PLCXD3: variants seen among roughly 807,000 people sequenced by gnomAD.
The protein encoded by PLCXD3 is PI-PLC X domain-containing protein 3.
In PLCXD3, 19 loss-of-function variants were observed where a neutral mutation model predicts 25.5. The ratio of observed to expected loss-of-function variants is 0.75; its 90% CI spans 0.52 to 1.09. The LOEUF (loss-of-function observed/expected upper bound fraction) is 1.09, where lower values mean the gene tolerates loss of function less well. PLCXD3 is among the 50% of genes least tolerant of loss of function. PLCXD3 has a pLI of 0.00. For missense variants in PLCXD3, 411 were observed against 388.1 expected (o/e 1.06, Z -0.50); for synonymous variants, 174 against 137.6 (o/e 1.26, Z -1.85).
intron 2 of PLCXD3, among the ~76,000 whole-genome samples, chr5:41,315,218 A>G (rs1318305348): frequency 6.6e-6 from 1 of 152,194 alleles, no homozygotes; most frequent in Non-Finnish European, 1.5e-5. Context: ...AGTTTCCATG[A>G]CAAAAGGATA....
intron 2 of PLCXD3, among the ~76,000 whole-genome samples, chr5:41,355,761 G>A (rs1397255435): frequency 1.3e-5 from 2 of 152,172 alleles, no homozygotes; most frequent in South Asian, 4.1e-4. Context: ...TAACATACTT[G>A]TGATTCCATG....
intron 2 of PLCXD3, among the ~76,000 whole-genome samples, chr5:41,330,797 A>G (rs1743778439): frequency 6.6e-6 from 1 of 152,186 alleles, no homozygotes; most frequent in African/African-American, 2.4e-5. Context: ...CAATATATGC[A>G]AATCAATAAA....
chr5:41,439,909 T>C (rs1024387691), intron 1 of PLCXD3, among the ~76,000 whole-genome samples: 2 of 152,164 alleles, frequency 1.3e-5, no homozygotes, highest in Non-Finnish European at 2.9e-5. Flanking sequence ...CTCAGGCTAA[T>C]TGGGCAGGTG....
chr5:41,446,402 G>A (rs1445500972), intron 1 of PLCXD3, among the ~76,000 whole-genome samples: 1 of 151,996 alleles, frequency 6.6e-6, no homozygotes, highest in Non-Finnish European at 1.5e-5. Context: ...AATCCAGCTG[G>A]CTGTTCATTC....
At chr5:41,461,305 A>G (rs1747868626) in intron 1 of PLCXD3, among the ~76,000 whole-genome samples, 1 of 151,996 alleles carries the variant, frequency 6.6e-6, no homozygotes, top group South Asian at 2.1e-4. Context: ...CATGACTGAA[A>G]CATTTTTTCT....
intron 1 of PLCXD3, among the ~76,000 whole-genome samples, chr5:41,487,053 A>G (rs1049395609): frequency 6.6e-6 from 1 of 152,122 alleles, no homozygotes; most frequent in African/African-American, 2.4e-5. Context: ...TTTTTTCTGA[A>G]GGCACGGTCC....
At chr5:41,417,243 A>G (rs1230737142) in intron 1 of PLCXD3, among the ~76,000 whole-genome samples, 1 of 152,142 alleles carries the variant, frequency 6.6e-6, no homozygotes, top group Non-Finnish European at 1.5e-5. Context: ...TCCACCCCTC[A>G]CTTTGGCTAC....
chr5:41,391,356 C>T (rs1200975287), intron 1 of PLCXD3, among the ~76,000 whole-genome samples: 1 of 152,134 alleles, frequency 6.6e-6, no homozygotes, highest in Non-Finnish European at 1.5e-5. Flanking sequence ...TGTCTTTCAT[C>T]TTGGATACCA....
chr5:41,376,245 G>C (rs1265493929), intron 2 of PLCXD3, among the ~76,000 whole-genome samples: 1 of 152,092 alleles, frequency 6.6e-6, no homozygotes, highest in African/African-American at 2.4e-5. Flanking sequence ...CAAGGGGGCA[G>C]CACTGTCAGT....
At chr5:41,333,124 AAAAC>A (rs528236304) in intron 2 of PLCXD3, among the ~76,000 whole-genome samples, 4,602 of 151,790 alleles carry the variant, frequency 0.03, 119 homozygotes, top group Middle Eastern at 0.065. Flanking sequence ...ATAAAAGACA[AAAAC>A]AAACAAACAA....
intron 1 of PLCXD3, among the ~76,000 whole-genome samples, chr5:41,399,091 T>C (rs970753972): frequency 2.6e-5 from 4 of 152,072 alleles, no homozygotes; most frequent in African/African-American, 9.7e-5. Flanking sequence ...AGTAATCCCA[T>C]TTACAATAGC....
intron 2 of PLCXD3, among the ~76,000 whole-genome samples, chr5:41,374,118 A>G (rs1484800245): frequency 3.3e-5 from 5 of 152,084 alleles, no homozygotes; most frequent in African/African-American, 1.2e-4. Context: ...TATGTTCTTT[A>G]GGTTAACTAA....
At chr5:41,463,494 A>G (rs1228505182) in intron 1 of PLCXD3, among the ~76,000 whole-genome samples, 2 of 152,042 alleles carry the variant, frequency 1.3e-5, no homozygotes, top group Non-Finnish European at 2.9e-5. Flanking sequence ...TTGGGATTTC[A>G]ACATATAAAT....
chr5:41,385,809 T>C (rs2150494149), intron 1 of PLCXD3, among the ~76,000 whole-genome samples: 1 of 152,148 alleles, frequency 6.6e-6, no homozygotes, highest in South Asian at 2.1e-4. Context: ...GACACAGAGG[T>C]TGTAGTGGCC....
chr5:41,314,313 T>G (rs1431886408), intron 2 of PLCXD3, among the ~76,000 whole-genome samples: 1 of 152,192 alleles, frequency 6.6e-6, no homozygotes, highest in African/African-American at 2.4e-5. Context: ...TCAAACACAT[T>G]TACTGGGCAC....
chr5:41,316,364 G>A lies in PLCXD3; in HGVS notation c.813-2594C>T, dbSNP rs75481887. ...CCAGATAACCAGCAGAGATATCCAG[G>A]TACTACATCTTGGGTCTTGGGTGAA... On this transcript the variant is annotated intron_variant, in intron 2 of 2. Coordinates refer to ENST00000377801, the MANE Select transcript of PLCXD3 (RefSeq NM_001005473.3). 7.4e-3 allele frequency among the ~76,000 whole-genome samples: 1,122 copies of A among 152,306 alleles called. 6 individuals are homozygous for A. The highest frequency in any genetic ancestry group is 0.026 in the African/African-American group (1,062 of 41,560).
chr5:41,477,106 T>A (rs1258499111), intron 1 of PLCXD3, among the ~76,000 whole-genome samples: 2 of 152,144 alleles, frequency 1.3e-5, no homozygotes, highest in East Asian at 3.9e-4. Flanking sequence ...TCTCCTAAAA[T>A]CTGGAGCCCA....
At chr5:41,332,536 T>C (rs320606) in intron 2 of PLCXD3, among the ~76,000 whole-genome samples, 105,777 of 151,978 alleles carry the variant, frequency 0.7, 38,497 homozygotes, top group African/African-American at 0.92. Context: ...GTCAGTGTGG[T>C]GATTCCTCAG....
chr5:41,487,696 C>T (rs940834020), intron 1 of PLCXD3, among the ~76,000 whole-genome samples: 4 of 151,854 alleles, frequency 2.6e-5, no homozygotes, highest in Admixed American at 2.0e-4. Context: ...GGTGTCACAC[C>T]GGAGACTAGA....
Sources: allele counts gnomAD v4.1 joint callset (sites outside exome capture counted in the v4.1 genomes callset), GRCh38; gene constraint gnomAD v4.1.1; transcripts MANE v1.5; gene names NCBI Gene and HGNC (gene_info 2026-07-23, HGNC 2026-07-21).